CPQ: variants seen among roughly 807,000 people sequenced by gnomAD.
CPQ encodes carboxypeptidase Q.
A neutral mutation model predicts 45.7 loss-of-function variants in CPQ; 37 were observed. The observed-to-expected ratio is 0.81, with a 90% CI of 0.62 to 1.07. The LOEUF (loss-of-function observed/expected upper bound fraction) is 1.07. Among genes scored for constraint, CPQ ranks in the 50% least tolerant of loss-of-function variants. The probability of loss-of-function intolerance (pLI) is 0.00; values close to 1 mark genes in which losing one functional copy is unlikely to be tolerated. For missense variants in CPQ, 537 were observed against 572.9 expected (o/e 0.94, Z 0.64); for synonymous variants, 186 against 205.8 (o/e 0.90, Z 0.82).
At chr8:96,866,889 A>G (rs1300148690) in intron 3 of CPQ, among the ~76,000 whole-genome samples, 1 of 152,100 alleles carries the variant, frequency 6.6e-6, no homozygotes, top group Non-Finnish European at 1.5e-5. Context: ...CACTATCCAG[A>G]TGTTTATAAA....
intron 3 of CPQ, among the ~76,000 whole-genome samples, chr8:96,856,897 A>G (rs1310234931): frequency 6.6e-6 from 1 of 152,216 alleles, no homozygotes; most frequent in Non-Finnish European, 1.5e-5. Flanking sequence ...TTCTTCGTGT[A>G]GTGCTAAGAA....
chr8:96,710,276 C>G (rs1362668420), intron 1 of CPQ, among the ~76,000 whole-genome samples: 1 of 151,806 alleles, frequency 6.6e-6, no homozygotes, highest in Non-Finnish European at 1.5e-5. Context: ...TGAATCTTCT[C>G]TCTTCTGTTT....
intron 1 of CPQ, among the ~76,000 whole-genome samples, chr8:96,690,710 G>A (rs1168184404): frequency 6.6e-6 from 1 of 152,180 alleles, no homozygotes; most frequent in African/African-American, 2.4e-5. Context: ...GGGAAATGAT[G>A]TGTGTCTGCC....
intron 5 of CPQ, among the ~76,000 whole-genome samples, chr8:96,983,944 A>C (rs1586479974): frequency 6.6e-6 from 1 of 151,344 alleles, no homozygotes; most frequent in East Asian, 1.9e-4. Flanking sequence ...GAAGTTTGTC[A>C]TGTTTATTGT....
At chr8:96,710,202 T>G (rs184610027) in intron 1 of CPQ, among the ~76,000 whole-genome samples, 1 of 125,268 alleles carries the variant, frequency 8.0e-6, no homozygotes, top group Non-Finnish European at 1.6e-5. Flanking sequence ...AGTCTCGAAA[T>G]TTTTTTTGTA....
At chr8:97,127,142 A>G (rs1240510791) in intron 7 of CPQ, among the ~76,000 whole-genome samples, 1 of 152,214 alleles carries the variant, frequency 6.6e-6, no homozygotes, top group East Asian at 1.9e-4. Flanking sequence ...GGAACTAACC[A>G]TTTAAAGAAA....
At chr8:96,991,522 C>G (rs1260072107) in intron 5 of CPQ, among the ~76,000 whole-genome samples, 1 of 151,062 alleles carries the variant, frequency 6.6e-6, no homozygotes, top group African/African-American at 2.4e-5. Context: ...CACCACTGCA[C>G]TCCAGCCTGG....
chr8:97,090,775 G>A (rs1365046991), intron 7 of CPQ, among the ~76,000 whole-genome samples: 1 of 152,164 alleles, frequency 6.6e-6, no homozygotes, highest in East Asian at 1.9e-4. Context: ...CTGAGTGGGG[G>A]ACAGTTCTCA....
chr8:97,008,561 A>G (rs1809428144), intron 5 of CPQ, among the ~76,000 whole-genome samples: 1 of 152,180 alleles, frequency 6.6e-6, no homozygotes, highest in East Asian at 1.9e-4. Context: ...CTAATCCCCA[A>G]GGAAGTCATC....
chr8:97,057,449 C>T (rs1810472990), intron 6 of CPQ, among the ~76,000 whole-genome samples: 1 of 152,040 alleles, frequency 6.6e-6, no homozygotes, highest in Admixed American at 6.6e-5. Flanking sequence ...AAAAATATTG[C>T]TTTTTTCAAG....
At chr8:96,976,109 G>C (rs762202185) in intron 5 of CPQ, among the ~76,000 whole-genome samples, 1 of 151,788 alleles carries the variant, frequency 6.6e-6, no homozygotes, top group Non-Finnish European at 1.5e-5. Context: ...CATCCAAAAA[G>C]CTCCTAAAAC....
chr8:96,813,571 A>G (rs962238513), intron 2 of CPQ, among the ~76,000 whole-genome samples: 1 of 152,064 alleles, frequency 6.6e-6, no homozygotes, highest in Non-Finnish European at 1.5e-5. Context: ...TAAATGGGGA[A>G]CTCAGGATAC....
intron 1 of CPQ, among the ~76,000 whole-genome samples, chr8:96,722,167 C>G (rs1200398079): frequency 6.6e-6 from 1 of 152,184 alleles, no homozygotes; most frequent in South Asian, 2.1e-4. Flanking sequence ...AGTAGGTATT[C>G]CATTAATATT....
chr8:96,681,313 G>A (rs1416151836), intron 1 of CPQ, among the ~76,000 whole-genome samples: 1 of 152,150 alleles, frequency 6.6e-6, no homozygotes, highest in African/African-American at 2.4e-5. Context: ...CCTCTGCTCT[G>A]TGCAGCCTAG....
chr8:96,928,568 G>A (rs1177442854), intron 4 of CPQ, among the ~76,000 whole-genome samples: 2 of 151,904 alleles, frequency 1.3e-5, no homozygotes, highest in Non-Finnish European at 1.5e-5. Context: ...TTCTTCCCAT[G>A]GCATGCTAAG....
chr8:96,964,173 TACACACACAC>T (rs71267285), intron 4 of CPQ, among the ~76,000 whole-genome samples: 103 of 133,458 alleles, frequency 7.7e-4, no homozygotes, highest in East Asian at 2.2e-3. Context: ...GGTTAAAGTA[TACACACACAC>T]ACACACACAC....
At chr8:96,884,389 A>C (rs1044334325) in intron 4 of CPQ, among the ~76,000 whole-genome samples, 2 of 152,080 alleles carry the variant, frequency 1.3e-5, no homozygotes, top group African/African-American at 4.8e-5. Flanking sequence ...AATGAGGCTC[A>C]AAGTTATTTT....
chr8:96,855,331 A>T lies in CPQ; in HGVS notation c.641+20151A>T, dbSNP rs553178967. Among the ~76,000 whole-genome samples the T allele has an allele frequency of 7.9e-5, 12 of 152,262 alleles. No individual in the cohort carries two copies. The East Asian group carries it at 2.1e-3, about 27-fold the overall frequency. On this transcript the variant is annotated intron_variant, in intron 3 of 7. Coordinates refer to ENST00000220763, the MANE Select transcript of CPQ (RefSeq NM_016134.4). ...CAGAAAGATACCTTCCTGCATCTAG[A>T]CAACAGGCAGCTGCTGAGGAGGGCT...
intron 1 of CPQ, among the ~76,000 whole-genome samples, chr8:96,776,606 C>T (rs1170936332): frequency 6.6e-6 from 1 of 152,018 alleles, no homozygotes; most frequent in African/African-American, 2.4e-5. Context: ...AATCAAAGGG[C>T]TTTGTTTTGT....
Sources: gnomAD v4.1 joint callset for allele counts (sites outside exome capture counted in the v4.1 genomes callset) on GRCh38, gnomAD v4.1.1 for gene constraint, MANE v1.5 for transcripts, NCBI Gene and HGNC (gene_info 2026-07-23, HGNC 2026-07-21) for gene names.